RPS6KA3: variants seen among roughly 807,000 people sequenced by gnomAD.
RPS6KA3 encodes the protein ribosomal protein S6 kinase A3, also known as ribosomal protein S6 kinase alpha-3.
RPS6KA3 carries 4 observed loss-of-function variants against 67.2 expected under a neutral mutation model. That is an observed-to-expected ratio of 0.06 (90% CI 0.03 to 0.14). The LOEUF (loss-of-function observed/expected upper bound fraction) is 0.14, where lower values mean the gene tolerates loss of function less well. RPS6KA3 is among the 10% of genes least tolerant of loss of function. The probability of loss-of-function intolerance (pLI) is 1.00; values close to 1 mark genes in which losing one functional copy is unlikely to be tolerated. For synonymous variants in RPS6KA3, 182 were observed against 183.7 expected, an observed-to-expected ratio of 0.99 and a Z score of 0.07; for missense variants, 204 against 559.0, an observed-to-expected ratio of 0.36 and a Z score of 6.40.
intron 18 of RPS6KA3, among the ~76,000 whole-genome samples, chrX:20,164,616 G>T (rs2067391508): frequency 9.1e-6 from 1 of 109,722 alleles, no homozygotes; most frequent in African/African-American, 3.3e-5. Flanking sequence ...AACTCCTGGC[G>T]TCAAACAGTC....
intron 4 of RPS6KA3, among the ~76,000 whole-genome samples, chrX:20,199,476 G>A (rs1197024301): frequency 8.9e-6 from 1 of 111,912 alleles, no homozygotes; most frequent in Admixed American, 9.5e-5. Context: ...AGAGTTGGAA[G>A]ATGGTTGAAG....
At chrX:20,162,856 A>C in intron 19 of RPS6KA3, 108 bp downstream of exon 19, 2 of 598,504 alleles carry the variant, frequency 3.3e-6, no homozygotes, top group South Asian at 4.5e-5. Context: ...CTAAAGAAAA[A>C]GCAAACAAAC....
At chrX:20,207,956 T>C (rs1715825428) in intron 3 of RPS6KA3, among the ~76,000 whole-genome samples, 1 of 112,157 alleles carries the variant, frequency 8.9e-6, no homozygotes, top group Admixed American at 9.5e-5. Context: ...AAGGAATCAC[T>C]GCATCGTCAA....
chrX:20,235,216 A>G (rs191026130), intron 1 of RPS6KA3, among the ~76,000 whole-genome samples: 1,425 of 111,154 alleles, frequency 0.013, 12 homozygotes, highest in Non-Finnish European at 0.019. Flanking sequence ...TTCAGAGAAA[A>G]TTAAGCCCAA....
chrX:20,168,401 G>A (rs866568250), intron 16 of RPS6KA3, among the ~76,000 whole-genome samples: 1 of 111,616 alleles, frequency 9.0e-6, no homozygotes. Context: ...TAACAGCATG[G>A]AAAATGAGGC....
intron 1 of RPS6KA3, among the ~76,000 whole-genome samples, chrX:20,236,994 T>C (rs1161078697): frequency 8.9e-6 from 1 of 111,776 alleles, no homozygotes; most frequent in Non-Finnish European, 1.9e-5. Context: ...GGACAGGTTC[T>C]TTCAACAATC....
intron 4 of RPS6KA3, among the ~76,000 whole-genome samples, chrX:20,196,412 C>T (rs2068273110): frequency 8.9e-6 from 1 of 112,151 alleles, no homozygotes; most frequent in African/African-American, 3.2e-5. Context: ...AGCTCATGAT[C>T]TAGTGGGAAG....
chrX:20,234,153 G>A (rs931242478), intron 2 of RPS6KA3, among the ~76,000 whole-genome samples: 1 of 112,207 alleles, frequency 8.9e-6, no homozygotes, highest in Non-Finnish European at 1.9e-5. Context: ...ACAAATTTAC[G>A]TTCAATTTGG....
intron 2 of RPS6KA3, among the ~76,000 whole-genome samples, chrX:20,227,663 T>C (rs1387174774): frequency 9.1e-6 from 1 of 110,083 alleles, no homozygotes; most frequent in East Asian, 2.8e-4. Flanking sequence ...TGGAGACTCA[T>C]GGTCCTCATT....
chrX:20,227,627 T>C (rs1175390130), intron 2 of RPS6KA3, among the ~76,000 whole-genome samples: 1 of 111,080 alleles, frequency 9.0e-6, no homozygotes, highest in Non-Finnish European at 1.9e-5. Context: ...CTCTCATTAA[T>C]AGGCTTTCAG....
intron 10 of RPS6KA3, among the ~76,000 whole-genome samples, chrX:20,185,905 C>T (rs1046264558): frequency 2.7e-5 from 3 of 112,165 alleles, no homozygotes; most frequent in Non-Finnish European, 5.6e-5. Context: ...CTACAGCCAA[C>T]ACTCTAAAAT....
intron 4 of RPS6KA3, among the ~76,000 whole-genome samples, chrX:20,196,532 G>A (rs750651213): frequency 2.7e-5 from 3 of 112,106 alleles, no homozygotes; most frequent in Non-Finnish European, 3.8e-5. Context: ...AGAAAGTTGA[G>A]TTGGTTTTAT....
intron 10 of RPS6KA3, among the ~76,000 whole-genome samples, chrX:20,184,672 A>T (rs902275566): frequency 9.0e-6 from 1 of 110,929 alleles, no homozygotes; most frequent in South Asian, 3.8e-4. Flanking sequence ...TCGGCCTCCC[A>T]AAGTGGTGGG....
rs1450057643 is a variant in RPS6KA3 at position 20,211,550 on chromosome X, C to CA, written c.127-2147dup. On this transcript the variant is annotated intron_variant, in intron 2 of 21. Transcript: ENST00000379565. ...GCACATCCTTAGCAGGAAAAAAAAA[C>CA]AAAAAAAAAAAACCAAAACAACAAA... 8.8e-3 allele frequency among the ~76,000 whole-genome samples: 799 copies of CA among 90,986 alleles called. 3 individuals carry two copies. The highest frequency in any genetic ancestry group is 0.016 in the African/African-American group (415 of 25,780). The allele number at this position is 90,986 out of a possible 115,157, so 79.0% of individuals were successfully genotyped here. A position where few individuals can be genotyped will look rare whatever the true frequency, so the allele number is the denominator to read the frequency against.
chrX:20,215,041 T>G (rs2068815610), intron 2 of RPS6KA3, among the ~76,000 whole-genome samples: 1 of 110,432 alleles, frequency 9.1e-6, no homozygotes, highest in Non-Finnish European at 1.9e-5. Context: ...GGTCTCAACA[T>G]GTTGCCCGCC....
intron 1 of RPS6KA3, among the ~76,000 whole-genome samples, chrX:20,240,198 A>T (rs1248880899): frequency 9.2e-6 from 1 of 108,517 alleles, no homozygotes; most frequent in African/African-American, 3.3e-5. Flanking sequence ...AATCTGAAAT[A>T]ACAGGAAGGG....
chrX:20,205,999 T>C (rs2068565504), intron 3 of RPS6KA3, among the ~76,000 whole-genome samples: 1 of 112,540 alleles, frequency 8.9e-6, no homozygotes, highest in Admixed American at 9.4e-5. Context: ...GTTAAGTAAT[T>C]TGCCCAGTGT....
At chrX:20,253,795 C>A (rs990753491) in intron 1 of RPS6KA3, among the ~76,000 whole-genome samples, 1 of 111,050 alleles carries the variant, frequency 9.0e-6, no homozygotes, top group African/African-American at 3.3e-5. Flanking sequence ...TTGTTTCATG[C>A]TATTAAACTT....
chrX:20,241,055 G>A (rs965023705), intron 1 of RPS6KA3, among the ~76,000 whole-genome samples: 1 of 111,131 alleles, frequency 9.0e-6, no homozygotes, highest in Non-Finnish European at 1.9e-5. Flanking sequence ...TAGTTAAGGT[G>A]CCCTTATGCC....
Sources: gnomAD v4.1 joint callset for allele counts (sites outside exome capture counted in the v4.1 genomes callset) on GRCh38, gnomAD v4.1.1 for gene constraint, MANE v1.5 for transcripts, NCBI Gene and HGNC (gene_info 2026-07-23, HGNC 2026-07-21) for gene names.